The following CUL9 variants were observed in gnomAD, a reference collection of about 807,000 sequenced individuals.
The protein encoded by CUL9 is cullin 9.
CUL9 carries 79 observed loss-of-function variants against 272.6 expected under a neutral mutation model. The observed-to-expected ratio is 0.29, with a 90% CI of 0.24 to 0.35. The LOEUF (loss-of-function observed/expected upper bound fraction) is 0.35. Among genes scored for constraint, CUL9 ranks in the 10% least tolerant of loss-of-function variants. CUL9 has a pLI of 1.00. For synonymous variants in CUL9, 1,186 were observed against 1,286.5 expected (o/e 0.92, Z 1.67); for missense variants, 2,532 against 3,255.6 (o/e 0.78, Z 5.41).
At position 43,223,661 on chromosome 6, in the gene CUL9, G is replaced by C. The variant is rs1272504148; in HGVS notation, c.7284+264G>C. The C allele has an allele frequency of 1.8e-6, 1 of 549,334 alleles. No individual in the cohort carries two copies. Among genetic ancestry groups the C allele is most frequent in the Non-Finnish European group, 3.2e-6 (1 of 308,744 alleles). The allele number at this position is 549,334 out of a possible 1,614,324, so 34.0% of individuals were successfully genotyped here. On this transcript the variant is annotated intron_variant, in intron 39 of 40. Transcript: ENST00000252050. The surrounding 1 kb of genome is among the most constrained non-coding windows in gnomAD (Gnocchi z 4.1). ...AGGGTATTTGGTCAGGTGCCTATCA[G>C]AATCACTTGGGGAACTTTTCCAGAC...
Position 43,203,789 on chromosome 6 carries a change from A to G in CUL9, c.4026-65A>G. On this transcript the variant is annotated intron_variant, in intron 19 of 40. Coordinates refer to ENST00000252050, the MANE Select transcript of CUL9 (RefSeq NM_015089.4). This position sits in a 1 kb window ranked among gnomAD's most constrained non-coding sequence, Gnocchi z 5.0. ...CAGGGGTGATTGGGAGCTGATCTGC[A>G]CTTGAATGGAGGCCTCTGGGAAATC... 1.3e-6 allele frequency: 2 copies of G among 1,551,478 alleles called. No individual in the cohort carries two copies. The highest frequency in any genetic ancestry group is 1.8e-5 in the Admixed American group (1 of 54,182).
chr6:43,201,765 C>T (rs1024376021), intron 16 of CUL9, among the ~76,000 whole-genome samples: 3 of 152,234 alleles, frequency 2.0e-5, no homozygotes, highest in Non-Finnish European at 2.9e-5. Context: ...AGGCGTGAAC[C>T]ACTGCGCCCG....
At chr6:43,188,911 G>A (rs1773164781) in intron 8 of CUL9, 196 bp downstream of exon 8, 4 of 504,462 alleles carry the variant, frequency 7.9e-6, no homozygotes, top group Non-Finnish European at 1.4e-5. Context: ...GCCAGGCACT[G>A]TGCTAGTATT....
intron 9 of CUL9, among the ~76,000 whole-genome samples, chr6:43,194,278 TTTCTC>T (rs1225393665): frequency 1.3e-5 from 2 of 152,102 alleles, no homozygotes; most frequent in African/African-American, 2.4e-5. Context: ...GCGCTTTTCT[TTTCTC>T]TTCTCTTTTC....
rs1402436402 is a variant in CUL9 at position 43,206,491 on chromosome 6, C to T, written c.5193C>T (p.Phe1731=). 6.2e-7 allele frequency: 1 copy of T among 1,614,180 alleles called. No individual in the cohort carries two copies. Among genetic ancestry groups the T allele is most frequent in the East Asian group, 2.2e-5 (1 of 44,888 alleles). ...AATTCTGTGATGCCCTTGACCGTTT[C>T]TCCAGTTTCTACAGCCAGAGTGAGG... is the stretch of plus-strand genomic sequence containing the variant. The part of the protein sequence containing the change: ...PTEFCDALDR[F]SSFYSQSQNH... Residue 1731 remains phenylalanine, a synonymous_variant, in exon 26 of 41, where the codon TTC becomes TTT. Coordinates refer to ENST00000252050, the MANE Select transcript of CUL9 (RefSeq NM_015089.4). The surrounding 1 kb of genome is among the most constrained non-coding windows in gnomAD (Gnocchi z 4.8).
chr6:43,188,348 C>G, intron 7 of CUL9, 175 bp from the exon 8 acceptor site: 1 of 798,706 alleles, frequency 1.3e-6, no homozygotes, highest in Non-Finnish European at 1.9e-6. Context: ...TCTGGGGTGT[C>G]TTCATCTCCT....
At chr6:43,197,290 A>G (rs1774086345) in intron 11 of CUL9, among the ~76,000 whole-genome samples, 1 of 151,134 alleles carries the variant, frequency 6.6e-6, no homozygotes, top group Admixed American at 6.6e-5. Context: ...CAGGAGATCC[A>G]CTGCCTCGGC....
In CUL9 at chr6:43,204,501, C is replaced by T; in HGVS notation, c.4301C>T (p.Pro1434Leu). The T allele has an allele frequency of 6.2e-7, 1 of 1,614,140 alleles. No homozygotes were observed. Among genetic ancestry groups the T allele is most frequent in the Admixed American group, 1.7e-5 (1 of 60,022 alleles). ...RLCHLLVHVE[P>L]PPGPSPEPST... ...TGCCACTTGCTGGTGCATGTGGAAC[C>T]TCCTCCTGGGCCTTCTCCTGAGCCA... Residue 1434 changes from proline to leucine, a missense_variant, in exon 21 of 41, where the codon CCT (proline) becomes CTT (leucine). Transcript: ENST00000252050.
At position 43,221,810 on chromosome 6, in the gene CUL9, G is replaced by T; in HGVS notation, c.6846+32G>T. ...CGCTGGGCACTAGGGGAGGGCAGAG[G>T]CCCAGAGCCGTCGGGGAGGGGTGCT... On this transcript the variant is annotated intron_variant, in intron 35 of 40. Transcript: ENST00000252050. The surrounding 1 kb of genome is among the most constrained non-coding windows in gnomAD (Gnocchi z 4.2). 6.3e-7 allele frequency: 1 copy of T among 1,590,876 alleles called. No homozygotes were observed.
chr6:43,203,744 A>C lies in CUL9; in HGVS notation c.4026-110A>C. The C allele has an allele frequency of 6.6e-7, 1 of 1,517,890 alleles. No individual in the cohort carries two copies. The highest frequency in any genetic ancestry group is 8.9e-7 in the Non-Finnish European group (1 of 1,127,298). The allele number at this position is 1,517,890 out of a possible 1,614,324, so 94.0% of individuals were successfully genotyped here. On this transcript the variant is annotated intron_variant, in intron 19 of 40. Transcript: ENST00000252050. This position sits in a 1 kb window ranked among gnomAD's most constrained non-coding sequence, Gnocchi z 5.0. ...GTGAGAAGTTTGTGTTAATTGGGAA[A>C]AGTTGGGTCAGGGACCGAACAGGGG...
chr6:43,200,798 A>G lies in CUL9; in HGVS notation c.3611A>G (p.Tyr1204Cys). The G allele has an allele frequency of 6.2e-7, 1 of 1,614,202 alleles. No homozygotes were observed. Among genetic ancestry groups the G allele is most frequent in the Non-Finnish European group, 8.5e-7 (1 of 1,180,020 alleles). Residue 1204 changes from tyrosine (Y) to cysteine (C), a missense_variant, in exon 16 of 41, where the codon TAC becomes TGC. This residue lies in a region of CUL9 where 2,218 missense variants were observed against 2,788.6 expected (regional missense o/e 0.80). Transcript: ENST00000252050. The surrounding 1 kb of genome is among the most constrained non-coding windows in gnomAD (Gnocchi z 4.0). ...TCCAACGGCAGCACCGGCTCCCACT[A>G]CATCACCCTGCACATGCACCGTGGT... ...WESNGSTGSHYITLHMHRGVL... is the reference protein window; with the variant it reads ...WESNGSTGSHCITLHMHRGVL...
chr6:43,224,496 G>C lies in CUL9; in HGVS notation c.*51G>C. 6 of 1,550,226 alleles carry C rather than the reference G, an allele frequency of 3.9e-6. No homozygotes were observed. On this transcript the variant is annotated 3_prime_UTR_variant, in exon 41 of 41. Coordinates refer to ENST00000252050, the MANE Select transcript of CUL9 (RefSeq NM_015089.4). This position sits in a 1 kb window ranked among gnomAD's most constrained non-coding sequence, Gnocchi z 4.2. ...AGCAGCCCCAGAGTCACGGGGCTGA[G>C]GGGGCGGGAGCTGCCCCTGTCATAG...
Position 43,206,270 on chromosome 6 carries a change from C to T in CUL9, c.5022+35C>T. On this transcript the variant is annotated intron_variant, in intron 25 of 40. Coordinates refer to ENST00000252050, the MANE Select transcript of CUL9 (RefSeq NM_015089.4). This position sits in a 1 kb window ranked among gnomAD's most constrained non-coding sequence, Gnocchi z 4.8. ...GGGAGAATAGGAGAGTGAGAGAAGA[C>T]TAGACCAAGGAAGGGAGCCCAAGGG... 2 of 1,612,036 alleles carry T rather than the reference C, an allele frequency of 1.2e-6. No individual in the cohort carries two copies. The highest frequency in any genetic ancestry group is 1.7e-6 in the Non-Finnish European group (2 of 1,178,744).
intron 8 of CUL9, among the ~76,000 whole-genome samples, chr6:43,190,921 G>C (rs1400310202): frequency 6.6e-6 from 1 of 151,994 alleles, no homozygotes; most frequent in Non-Finnish European, 1.5e-5. Flanking sequence ...TCTTCTTTTA[G>C]ATCAGCATTT....
chr6:43,196,378 A>C (rs185140146), intron 10 of CUL9, 113 bp downstream of exon 10: 1 of 1,097,812 alleles, frequency 9.1e-7, no homozygotes, highest in East Asian at 2.5e-5. Context: ...TCACCTCCGG[A>C]TTAAGCATTG....
Position 43,188,025 on chromosome 6 carries a change from A to AC in CUL9, c.1899dup (p.Met634HisfsTer5). 6.2e-7 allele frequency: 1 copy of AC among 1,613,714 alleles called. No homozygotes were observed. On this transcript the variant is annotated frameshift_variant, in exon 7 of 41. Transcript: ENST00000252050. LOFTEE classifies it high-confidence loss of function. ...CGAGCCCACCAAGACAAGGACCGAG[A>AC]CCCCCATGGCACAGAGTGATTCTCA...
chr6:43,204,899 C>G (rs1423404333), intron 22 of CUL9, 34 bp from the exon 23 acceptor site: 1 of 1,611,496 alleles, frequency 6.2e-7, no homozygotes, highest in Non-Finnish European at 8.5e-7. Context: ...GGAGGGGCTG[C>G]TCCTTTTATG....
chr6:43,200,338 AC>A lies in CUL9; in HGVS notation c.3385-96del. ...ATGTGGGGAGAGAGGAGTTGAGTAT[AC>A]CGTTGACCCTTGACTTTTTCTCTCT... is the stretch of plus-strand genomic sequence containing the variant. On this transcript the variant is annotated intron_variant, in intron 14 of 40. Transcript: ENST00000252050. This position sits in a 1 kb window ranked among gnomAD's most constrained non-coding sequence, Gnocchi z 4.0. 1 of 1,591,204 alleles carries A rather than the reference AC, an allele frequency of 6.3e-7. No homozygotes were observed. The highest frequency in any genetic ancestry group is 1.3e-5 in the African/African-American group (1 of 74,502).
Position 43,206,226 on chromosome 6 carries a change from G to A in CUL9, c.5013G>A (p.Glu1671=), listed in dbSNP as rs1427398171. 1 of 1,612,136 alleles carries A rather than the reference G, an allele frequency of 6.2e-7. No individual in the cohort carries two copies. The highest frequency in any genetic ancestry group is 8.5e-7 in the Non-Finnish European group (1 of 1,179,088). Residue 1671 remains glutamate, a synonymous_variant, in exon 25 of 41, where the codon GAG becomes GAA. Coordinates refer to ENST00000252050, the MANE Select transcript of CUL9 (RefSeq NM_015089.4). This position sits in a 1 kb window ranked among gnomAD's most constrained non-coding sequence, Gnocchi z 4.8. ...AAGATGAGGAGGAAAAGAGACTAGA[G>A]GAAGAGGAGGTAAGAGCAGGGAGAA... ...EQEDEEEKRL[E]EEEEEEEEEE...
Sources: gnomAD v4.1 joint callset for allele counts (sites outside exome capture counted in the v4.1 genomes callset) on GRCh38, gnomAD v4.1.1 for gene constraint, gnomAD v4.1.1 regional missense constraint, Gnocchi (gnomAD v3.1) non-coding constraint, MANE v1.5 for transcripts, NCBI Gene and HGNC (gene_info 2026-07-23, HGNC 2026-07-21) for gene names.